MAGI2: variants seen among roughly 807,000 people sequenced by gnomAD.
MAGI2 encodes membrane associated guanylate kinase, WW and PDZ domain containing 2, also known as membrane-associated guanylate kinase, WW and PDZ domain-containing protein 2.
MAGI2 carries 35 observed loss-of-function variants against 133.3 expected under a neutral mutation model. The observed-to-expected ratio is 0.26, with a 90% CI of 0.20 to 0.35. The LOEUF (loss-of-function observed/expected upper bound fraction) is 0.35, where lower values mean the gene tolerates loss of function less well. Ranked by LOEUF, MAGI2 falls within the 10% of genes least tolerant of loss-of-function variation. The probability of loss-of-function intolerance (pLI) is 1.00; values close to 1 mark genes in which losing one functional copy is unlikely to be tolerated. For synonymous variants in MAGI2, 729 were observed against 710.6 expected, an observed-to-expected ratio of 1.03 and a Z score of -0.41; for missense variants, 1,636 against 1,863.4, an observed-to-expected ratio of 0.88 and a Z score of 2.25.
Position 78,780,755 on chromosome 7 carries a change from C to T in MAGI2, c.419-153516G>A, listed in dbSNP as rs1826332178. Among the ~76,000 whole-genome samples, 5 of 152,310 alleles carry T rather than the reference C, an allele frequency of 3.3e-5. No homozygotes were observed. The South Asian group carries it at 1.0e-3, about 32-fold the overall frequency. Reference sequence around the variant, plus strand: ...GTGTTAATTGTAGTATTTGTCAGTTCTGTTTCAGTACCGGGCCATTAGGGA... The same window carrying T: ...GTGTTAATTGTAGTATTTGTCAGTTTTGTTTCAGTACCGGGCCATTAGGGA... On this transcript the variant is annotated intron_variant, in intron 2 of 21. Coordinates refer to ENST00000354212, the MANE Select transcript of MAGI2 (RefSeq NM_012301.4).
intron 1 of MAGI2, among the ~76,000 whole-genome samples, chr7:79,276,471 T>C (rs1469235778): frequency 1.3e-5 from 2 of 152,168 alleles, no homozygotes; most frequent in Non-Finnish European, 2.9e-5. Context: ...GCTCAGATGA[T>C]TGTTAGAATT....
intron 16 of MAGI2, among the ~76,000 whole-genome samples, chr7:78,150,800 T>C (rs1294567755): frequency 6.6e-6 from 1 of 152,218 alleles, no homozygotes; most frequent in African/African-American, 2.4e-5. Context: ...ATGAGGTCTA[T>C]TCAACAGTAA....
At chr7:78,066,796 G>C (rs1813877876) in intron 21 of MAGI2, among the ~76,000 whole-genome samples, 1 of 152,212 alleles carries the variant, frequency 6.6e-6, no homozygotes, top group African/African-American at 2.4e-5. Context: ...AGATAAGGGG[G>C]ATGTGCTCAT....
chr7:79,097,309 C>G (rs1229579489), intron 1 of MAGI2, among the ~76,000 whole-genome samples: 2 of 152,160 alleles, frequency 1.3e-5, no homozygotes, highest in Admixed American at 1.3e-4. Flanking sequence ...GTTTCCTTAT[C>G]ATAAAACAGA....
intron 1 of MAGI2, among the ~76,000 whole-genome samples, chr7:79,133,845 T>C (rs1026405265): frequency 1.4e-4 from 21 of 152,192 alleles, no homozygotes; most frequent in Non-Finnish European, 1.8e-4. Flanking sequence ...ACAGGAAGGT[T>C]CCTTTGTATG....
At chr7:78,070,649 T>A (rs113596758) in intron 21 of MAGI2, among the ~76,000 whole-genome samples, 6,817 of 80,652 alleles carry the variant, frequency 0.085, 216 homozygotes, top group Middle Eastern at 0.14. Context: ...TATATATTTT[T>A]TTTTTTTTTT....
At chr7:78,880,144 CAT>C (rs34027985) in intron 2 of MAGI2, among the ~76,000 whole-genome samples, 82,219 of 151,812 alleles carry the variant, frequency 0.54, 23,090 homozygotes, top group Middle Eastern at 0.64. Context: ...ATCCAAAAAA[CAT>C]ATTTGAGGAA....
In MAGI2 at chr7:78,521,581, G is replaced by A. The variant is rs1796510050; in HGVS notation, c.603C>T (p.Asp201=). ...EPAPLLLNVT[D]QILPGATPSA... is the part of the protein sequence containing the mutation. ...TTGGAGTGGCTCCTGGAAGTATCTG[G>A]TCTGTTACATTTAACAATAATGGTG... Residue 201 remains aspartate (D), a synonymous_variant, in exon 4 of 22, where the codon GAC becomes GAT. Coordinates refer to ENST00000354212, the MANE Select transcript of MAGI2 (RefSeq NM_012301.4). 1.9e-6 allele frequency: 3 copies of A among 1,614,036 alleles called. No individual in the cohort carries two copies. The highest frequency in any genetic ancestry group is 2.5e-6 in the Non-Finnish European group (3 of 1,180,008).
intron 2 of MAGI2, among the ~76,000 whole-genome samples, chr7:78,792,920 C>G (rs914982632): frequency 1.3e-5 from 2 of 152,194 alleles, no homozygotes; most frequent in Admixed American, 1.3e-4. Flanking sequence ...AAAACAGATT[C>G]TCAAATAATA....
chr7:79,381,328 T>C (rs1314995727), intron 1 of MAGI2, among the ~76,000 whole-genome samples: 1 of 151,748 alleles, frequency 6.6e-6, no homozygotes, highest in Non-Finnish European at 1.5e-5. Context: ...TCTCTTTTAT[T>C]ATGAATCCCA....
At chr7:79,331,238 T>C (rs1391507908) in intron 1 of MAGI2, among the ~76,000 whole-genome samples, 2 of 152,220 alleles carry the variant, frequency 1.3e-5, no homozygotes, top group African/African-American at 4.8e-5. Context: ...AAGTTATTTA[T>C]ATGCCTCGAT....
intron 1 of MAGI2, among the ~76,000 whole-genome samples, chr7:79,058,210 T>C (rs547971160): frequency 1.2e-3 from 189 of 152,186 alleles, no homozygotes; most frequent in African/African-American, 4.5e-3. Context: ...GATTAGACAT[T>C]GACTCCCATT....
intron 1 of MAGI2, among the ~76,000 whole-genome samples, chr7:79,390,763 G>GA (rs1844543461): frequency 6.6e-6 from 1 of 152,188 alleles, no homozygotes; most frequent in Non-Finnish European, 1.5e-5. Flanking sequence ...TGCAGGGCAA[G>GA]AAAGTTTTGG....
intron 2 of MAGI2, among the ~76,000 whole-genome samples, chr7:78,759,745 A>G (rs564789931): frequency 6.6e-6 from 1 of 152,316 alleles, no homozygotes; most frequent in South Asian, 2.1e-4. Context: ...GAGTATCTTA[A>G]TGTGTAAGTT....
intron 1 of MAGI2, among the ~76,000 whole-genome samples, chr7:79,350,679 T>C (rs191413751): frequency 5.9e-5 from 9 of 152,242 alleles, no homozygotes; most frequent in Non-Finnish European, 1.2e-4. Flanking sequence ...GGAAAATAAA[T>C]TGACGGTAGA....
At chr7:78,947,476 T>C (rs953119140) in intron 2 of MAGI2, among the ~76,000 whole-genome samples, 1 of 152,154 alleles carries the variant, frequency 6.6e-6, no homozygotes, top group Non-Finnish European at 1.5e-5. Flanking sequence ...GTGGATGATA[T>C]AATTTCTGAT....
intron 1 of MAGI2, among the ~76,000 whole-genome samples, chr7:79,058,733 T>C (rs1244222274): frequency 6.6e-5 from 10 of 152,204 alleles, no homozygotes; most frequent in Admixed American, 6.5e-5. Flanking sequence ...GTTATAAATA[T>C]ACACTGCTGG....
At chr7:78,843,852 T>C (rs75825136) in intron 2 of MAGI2, among the ~76,000 whole-genome samples, 10,563 of 151,220 alleles carry the variant, frequency 0.07, 501 homozygotes, top group African/African-American at 0.14. Flanking sequence ...TCATCTAATG[T>C]TCAGTTTTTG....
chr7:78,775,410 T>A (rs983009775), intron 2 of MAGI2, among the ~76,000 whole-genome samples: 1 of 131,328 alleles, frequency 7.6e-6, no homozygotes, highest in Non-Finnish European at 1.6e-5. Context: ...TTTAGACAAA[T>A]GGAGATATTT....
Sources: gnomAD v4.1 joint callset for allele counts (sites outside exome capture counted in the v4.1 genomes callset) on GRCh38, gnomAD v4.1.1 for gene constraint, MANE v1.5 for transcripts, NCBI Gene and HGNC (gene_info 2026-07-23, HGNC 2026-07-21) for gene names.